The following STAB2 variants were observed in gnomAD, a reference collection of about 807,000 sequenced individuals.
STAB2 encodes stabilin 2, also known as stabilin-2.
In STAB2, 288 loss-of-function variants were observed where a neutral mutation model predicts 338.1. That is an observed-to-expected ratio of 0.85 (90% CI 0.77 to 0.94). The LOEUF (loss-of-function observed/expected upper bound fraction) is 0.94, where lower values mean the gene tolerates loss of function less well. Among genes scored for constraint, STAB2 ranks in the 40% least tolerant of loss-of-function variants. The probability of loss-of-function intolerance (pLI) is 0.00; values close to 1 mark genes in which losing one functional copy is unlikely to be tolerated. For missense variants in STAB2, 3,141 were observed against 3,210.1 expected (o/e 0.98, Z 0.52); for synonymous variants, 1,202 against 1,193.3 (o/e 1.01, Z -0.15).
At chr12:103,712,491 G>A (rs1708081082) in intron 41 of STAB2, 48 bp downstream of exon 41, 2 of 1,442,344 alleles carry the variant, frequency 1.4e-6, no homozygotes, top group African/African-American at 2.8e-5. Context: ...GGCTTGCACA[G>A]GCTATTGAGA....
intron 9 of STAB2, among the ~76,000 whole-genome samples, chr12:103,646,062 A>T (rs1037843840): frequency 6.6e-6 from 1 of 152,118 alleles, no homozygotes; most frequent in Non-Finnish European, 1.5e-5. Flanking sequence ...AACTCCAGCT[A>T]CTCAGGAGGC....
At chr12:103,701,977 T>TACACACAC (rs71097990) in intron 34 of STAB2, among the ~76,000 whole-genome samples, 117 of 144,024 alleles carry the variant, frequency 8.1e-4, no homozygotes, top group East Asian at 5.4e-3. Flanking sequence ...TCAGCCCTGC[T>TACACACAC]ACACACACAC....
intron 59 of STAB2, 93 bp downstream of exon 59, chr12:103,749,249 G>A: frequency 1.5e-6 from 2 of 1,329,434 alleles, no homozygotes; most frequent in South Asian, 1.7e-5. Flanking sequence ...TTATCTCCTG[G>A]ACTCTTCCTA....
chr12:103,726,658 C>T (rs1411950291), intron 46 of STAB2, among the ~76,000 whole-genome samples: 1 of 152,138 alleles, frequency 6.6e-6, no homozygotes, highest in African/African-American at 2.4e-5. Context: ...AAAGGTGTGA[C>T]TGGGACAGCT....
At chr12:103,690,767 CTGAT>C (rs926589605) in intron 30 of STAB2, among the ~76,000 whole-genome samples, 3 of 152,276 alleles carry the variant, frequency 2.0e-5, no homozygotes, top group African/African-American at 7.2e-5. Context: ...CTTCTGCCCA[CTGAT>C]TGGCCACAAG....
At chr12:103,652,458 C>T (rs554651361) in intron 11 of STAB2, 98 bp from the exon 12 acceptor site, 31 of 1,188,996 alleles carry the variant, frequency 2.6e-5, no homozygotes, top group Non-Finnish European at 3.3e-5. Context: ...GTTAGGGTGC[C>T]CTGGCTTTGA....
intron 67 of STAB2, chr12:103,763,252 T>G (rs1884675008): frequency 2.0e-6 from 1 of 503,198 alleles, no homozygotes; most frequent in Admixed American, 3.3e-5. Context: ...TCCTGGGGTA[T>G]GGAAATGCCC....
chr12:103,660,743 C>G lies in STAB2; in HGVS notation c.1849C>G (p.Gln617Glu). ...HIRSMANQLI[Q>E]FNTTDNGQIL... ...CAGGAGCATGGCCAACCAGCTCATA[C>G]AGTTCAACACCACCGACAATGTAAG... Residue 617 changes from glutamine to glutamate, a missense_variant, in exon 17 of 69, where the codon CAG becomes GAG. Physicochemically the swap from Gln to Glu is conservative, Grantham distance 29. Coordinates refer to ENST00000388887, the MANE Select transcript of STAB2 (RefSeq NM_017564.10). 1 of 1,614,086 alleles carries G rather than the reference C, an allele frequency of 6.2e-7. No homozygotes were observed. The highest frequency in any genetic ancestry group is 1.3e-5 in the African/African-American group (1 of 75,018).
intron 4 of STAB2, 34 bp from the exon 5 acceptor site, chr12:103,622,008 G>T (rs1957309593): frequency 6.2e-7 from 1 of 1,611,476 alleles, no homozygotes; most frequent in South Asian, 1.1e-5. Context: ...GGGTCACCTT[G>T]GGTCTAATGT....
intron 47 of STAB2, 98 bp downstream of exon 47, chr12:103,727,448 G>T (rs1881301167): frequency 7.3e-7 from 1 of 1,365,784 alleles, no homozygotes; most frequent in Non-Finnish European, 1.0e-6. Context: ...TTCTAAGCAG[G>T]AGCTCTGAGA....
chr12:103,661,265 G>A (rs1001999367), intron 17 of STAB2, among the ~76,000 whole-genome samples: 1 of 150,790 alleles, frequency 6.6e-6, no homozygotes, highest in Non-Finnish European at 1.5e-5. Flanking sequence ...AAGACCCTGA[G>A]GTCAGGGGAA....
rs1348081536 is a variant in STAB2, at chr12:103,670,733, G to T, written c.2297G>T (p.Cys766Phe). ...DSLGGNGTCI[C>F]EEGFQGSQCQ... is the part of the protein sequence containing the mutation. The stretch of plus-strand genomic sequence containing the variant: ...CTCGGCGGCAACGGGACATGCATTT[G>T]TGAGGAGGGCTTCCAAGGCTCCCAG... The change falls in exon 22 of 69, where the codon TGT becomes TTT. Residue 766 changes from cysteine to phenylalanine, a missense_variant. By Grantham distance (205) the Cys-to-Phe change is radical. Transcript: ENST00000388887. 1.2e-6 allele frequency: 2 copies of T among 1,614,178 alleles called. No individual in the cohort carries two copies. Among genetic ancestry groups the T allele is most frequent in the Admixed American group, 3.3e-5 (2 of 60,028 alleles).
intron 51 of STAB2, among the ~76,000 whole-genome samples, chr12:103,733,402 A>T (rs1881800081): frequency 1.3e-5 from 2 of 149,756 alleles, no homozygotes. Context: ...GGACCTGCCA[A>T]TTTTTTTTTT....
intron 3 of STAB2, among the ~76,000 whole-genome samples, chr12:103,599,686 T>A (rs980654662): frequency 2.0e-5 from 3 of 152,202 alleles, no homozygotes; most frequent in Admixed American, 6.5e-5. Flanking sequence ...ATCCTGTATT[T>A]TACCTGGTAA....
At chr12:103,704,937 A>G (rs1879213171) in intron 36 of STAB2, 1 of 201,606 alleles carries the variant, frequency 5.0e-6, no homozygotes, top group African/African-American at 2.3e-5. Flanking sequence ...TTCCATATCC[A>G]AAACCATATC....
intron 55 of STAB2, among the ~76,000 whole-genome samples, chr12:103,742,134 T>C (rs1882633196): frequency 6.6e-6 from 1 of 152,172 alleles, no homozygotes; most frequent in South Asian, 2.1e-4. Flanking sequence ...CAGAGCAAGT[T>C]CATTACTCAA....
rs1023450666 is a variant in STAB2, at chr12:103,647,021, C to T, written c.1041-1669C>T. The stretch of plus-strand genomic sequence containing the variant: ...CAGCCTAAAAAAAGAAGTAGTTTAG[C>T]GCTGCTGGAATTTTCAGTGGACAGC... On this transcript the variant is annotated intron_variant, in intron 9 of 68. Transcript: ENST00000388887. 7.2e-5 allele frequency among the ~76,000 whole-genome samples: 11 copies of T among 152,134 alleles called. No individual in the cohort carries two copies. The South Asian group carries it at 8.3e-4, about 11-fold the overall frequency.
intron 27 of STAB2, among the ~76,000 whole-genome samples, chr12:103,686,304 C>A (rs766168192): frequency 6.6e-6 from 1 of 152,186 alleles, no homozygotes; most frequent in Non-Finnish European, 1.5e-5. Context: ...GTGCCTTCTA[C>A]TCACCGAGTC....
intron 11 of STAB2, 136 bp downstream of exon 11, chr12:103,650,714 ACTT>A (rs1873675668): frequency 1.6e-6 from 1 of 635,602 alleles, no homozygotes; most frequent in Non-Finnish European, 2.7e-6. Context: ...TTTTTGATAA[ACTT>A]CTTTTAGTGA....
Sources: allele counts gnomAD v4.1 joint callset (sites outside exome capture counted in the v4.1 genomes callset), GRCh38; gene constraint gnomAD v4.1.1; transcripts MANE v1.5; gene names NCBI Gene and HGNC (gene_info 2026-07-23, HGNC 2026-07-21).